ZFAND3: variants seen among roughly 807,000 people sequenced by gnomAD.
ZFAND3 encodes the protein AN1-type zinc finger protein 3.
Under a neutral mutation model 29.6 loss-of-function variants are expected in ZFAND3, and 10 were observed. That is an observed-to-expected ratio of 0.34 (90% CI 0.21 to 0.57). The LOEUF (loss-of-function observed/expected upper bound fraction) is 0.57, where lower values mean the gene tolerates loss of function less well. ZFAND3 is among the 20% of genes least tolerant of loss of function. The pLI, the probability that ZFAND3 is intolerant of heterozygous loss-of-function variation, is 0.86. For missense variants in ZFAND3, 230 were observed against 304.5 expected, an observed-to-expected ratio of 0.76 and a Z score of 1.82; for synonymous variants, 128 against 112.6, an observed-to-expected ratio of 1.14 and a Z score of -0.87.
chr6:38,085,577 G>T (rs1211875971), intron 4 of ZFAND3, among the ~76,000 whole-genome samples: 2 of 152,066 alleles, frequency 1.3e-5, no homozygotes, highest in Non-Finnish European at 2.9e-5. Flanking sequence ...ATGTGTGTGT[G>T]TTCATACATA....
chr6:38,052,621 A>G (rs901885038), intron 2 of ZFAND3, among the ~76,000 whole-genome samples: 3 of 152,304 alleles, frequency 2.0e-5, no homozygotes, highest in East Asian at 3.9e-4. Context: ...AGTACCTTCT[A>G]TGGGTAATCT....
At chr6:38,021,926 C>T (rs1156383055) in intron 2 of ZFAND3, among the ~76,000 whole-genome samples, 2 of 152,126 alleles carry the variant, frequency 1.3e-5, no homozygotes, top group Non-Finnish European at 2.9e-5. Flanking sequence ...TTTAGGAGAC[C>T]ATCAATACTT....
chr6:37,937,411 C>A (rs1185882965), intron 2 of ZFAND3, among the ~76,000 whole-genome samples: 1 of 152,010 alleles, frequency 6.6e-6, no homozygotes, highest in Non-Finnish European at 1.5e-5. Flanking sequence ...AATCCTAACA[C>A]TTTGGAAGGC....
intron 1 of ZFAND3, among the ~76,000 whole-genome samples, chr6:37,824,038 A>G (rs1344192642): frequency 6.6e-6 from 1 of 152,206 alleles, no homozygotes; most frequent in Non-Finnish European, 1.5e-5. Flanking sequence ...GGCTTCCCAA[A>G]GTGCTGGGAT....
At chr6:38,087,391 G>C (rs1224265067) in intron 4 of ZFAND3, among the ~76,000 whole-genome samples, 1 of 152,156 alleles carries the variant, frequency 6.6e-6, no homozygotes, top group African/African-American at 2.4e-5. Flanking sequence ...AGCTAACAAA[G>C]TGAAGAGACA....
chr6:37,895,298 A>G lies in ZFAND3; in HGVS notation c.72-34661A>G, dbSNP rs1465562951. Among the ~76,000 whole-genome samples, 6 of 151,650 alleles carry G rather than the reference A, an allele frequency of 4.0e-5. No homozygotes were observed. In the East Asian group the frequency reaches 7.7e-4, roughly 20 times the overall value. Reference sequence around the variant, plus strand: ...TTCATCCAGTGTTTTTATCATCTCAATATAGTTTACATCTGTAAGAGTTCT... The same window carrying G: ...TTCATCCAGTGTTTTTATCATCTCAGTATAGTTTACATCTGTAAGAGTTCT... On this transcript the variant is annotated intron_variant, in intron 1 of 5. Transcript: ENST00000287218.
intron 1 of ZFAND3, among the ~76,000 whole-genome samples, chr6:37,828,291 G>A (rs1763795229): frequency 2.6e-5 from 4 of 152,194 alleles, no homozygotes; most frequent in African/African-American, 9.7e-5. Flanking sequence ...TACCTAACTG[G>A]AAGAGTGGAG....
At chr6:37,894,692 G>A (rs866935187) in intron 1 of ZFAND3, among the ~76,000 whole-genome samples, 1 of 152,094 alleles carries the variant, frequency 6.6e-6, no homozygotes, top group Non-Finnish European at 1.5e-5. Flanking sequence ...TTGTGGTGCA[G>A]ATCTGCTCGT....
chr6:37,934,374 A>G (rs13198459), intron 2 of ZFAND3, among the ~76,000 whole-genome samples: 12,179 of 151,936 alleles, frequency 0.08, 577 homozygotes, highest in African/African-American at 0.14. Context: ...AACCTTTATC[A>G]TCCAATATTT....
intron 5 of ZFAND3, among the ~76,000 whole-genome samples, chr6:38,117,256 C>CTTTTTTTTTTTTTT (rs35684874): frequency 2.1e-5 from 2 of 96,356 alleles, no homozygotes; most frequent in Middle Eastern, 7.2e-3. Flanking sequence ...TTGAAATAGC[C>CTTTTTTTTTTTTTT]TTTTTTTTTT....
intron 2 of ZFAND3, among the ~76,000 whole-genome samples, chr6:37,951,420 G>A (rs936762912): frequency 4.6e-5 from 7 of 152,012 alleles, no homozygotes; most frequent in East Asian, 1.9e-4. Flanking sequence ...GTGAAACCCC[G>A]TCTCTACTAA....
At chr6:37,888,101 G>GTTAC (rs1765028076) in intron 1 of ZFAND3, among the ~76,000 whole-genome samples, 1 of 152,120 alleles carries the variant, frequency 6.6e-6, no homozygotes. Context: ...TCTTAATTGT[G>GTTAC]TTACATCTTT....
intron 1 of ZFAND3, among the ~76,000 whole-genome samples, chr6:37,912,938 T>C (rs767975193): frequency 1.7e-4 from 26 of 152,208 alleles, no homozygotes; most frequent in Non-Finnish European, 3.5e-4. Context: ...TCCGAGTACA[T>C]ATAAAAGTTA....
At chr6:38,144,213 T>A (rs1373269772) in intron 5 of ZFAND3, among the ~76,000 whole-genome samples, 2 of 55,360 alleles carry the variant, frequency 3.6e-5, no homozygotes, top group Non-Finnish European at 6.6e-5. Flanking sequence ...ATATATATAA[T>A]ATATAATATA....
chr6:37,951,877 T>A (rs1762005418), intron 2 of ZFAND3, among the ~76,000 whole-genome samples: 1 of 152,204 alleles, frequency 6.6e-6, no homozygotes, highest in Non-Finnish European at 1.5e-5. Flanking sequence ...CAGTGCTTAG[T>A]TTGTTGAAGG....
intron 2 of ZFAND3, among the ~76,000 whole-genome samples, chr6:37,950,568 G>T (rs1761981052): frequency 6.6e-6 from 1 of 151,772 alleles, no homozygotes; most frequent in Admixed American, 6.6e-5. Context: ...TTGTGGAGAT[G>T]GGGTTTCACC....
intron 1 of ZFAND3, among the ~76,000 whole-genome samples, chr6:37,854,964 G>GTTTTTTTTTTTTTTTTTTTTTTTTTT (rs34283914): frequency 1.3e-5 from 1 of 78,938 alleles, no homozygotes; most frequent in Non-Finnish European, 2.5e-5. Flanking sequence ...AATAATAGGT[G>GTTTTTTTTTTTTTTTTTTTTTTTTTT]TTTTTTTTTT....
chr6:38,033,575 G>C (rs1054199501), intron 2 of ZFAND3, among the ~76,000 whole-genome samples: 1 of 152,142 alleles, frequency 6.6e-6, no homozygotes, highest in South Asian at 2.1e-4. Context: ...CAGTAATTCA[G>C]CTGTGTCTGA....
chr6:38,044,165 G>A (rs183706389), intron 2 of ZFAND3, among the ~76,000 whole-genome samples: 121 of 152,238 alleles, frequency 7.9e-4, no homozygotes, highest in African/African-American at 2.7e-3. Context: ...TCTGAATACA[G>A]TCACTACTAG....
Sources: gnomAD v4.1 joint callset for allele counts (sites outside exome capture counted in the v4.1 genomes callset) on GRCh38, gnomAD v4.1.1 for gene constraint, MANE v1.5 for transcripts, NCBI Gene and HGNC (gene_info 2026-07-23, HGNC 2026-07-21) for gene names.